SLC38A11: variants seen among roughly 807,000 people sequenced by gnomAD.
SLC38A11 encodes the protein solute carrier family 38 member 11.
In SLC38A11, 51 loss-of-function variants were observed where a neutral mutation model predicts 49.4. That is an observed-to-expected ratio of 1.03 (90% confidence interval 0.83 to 1.30). SLC38A11 has a LOEUF of 1.30. Ranked by LOEUF, SLC38A11 falls within the 50% of genes most tolerant of loss-of-function variation. SLC38A11 has a pLI of 0.00. For missense variants in SLC38A11, 574 were observed against 556.2 expected (o/e 1.03, Z -0.32); for synonymous variants, 203 against 192.9 (o/e 1.05, Z -0.43).
rs1174092428 is a variant in SLC38A11 at position 164,949,033 on chromosome 2, T to C, written c.230-3306A>G. Among the ~76,000 whole-genome samples the C allele has an allele frequency of 4.0e-5, 6 of 151,674 alleles. 1 individual carries two copies. Among genetic ancestry groups the C allele is most frequent in the South Asian group, 2.1e-4 (1 of 4,820 alleles). On this transcript the variant is annotated intron_variant, in intron 3 of 11. Transcript: ENST00000685975. The stretch of plus-strand genomic sequence containing the variant: ...TGGTATTTTTTATAAAGTGGTATAA[T>C]TATTTTTTTTTTCTGCTTGACACAC...
intron 7 of SLC38A11, among the ~76,000 whole-genome samples, chr2:164,930,540 C>CA (rs1328803821): frequency 6.6e-6 from 1 of 152,076 alleles, no homozygotes; most frequent in Non-Finnish European, 1.5e-5. Context: ...AGTAGCACAT[C>CA]AAAATGCTTA....
At chr2:164,901,359 T>A (rs1398581039) in intron 11 of SLC38A11, among the ~76,000 whole-genome samples, 1 of 152,192 alleles carries the variant, frequency 6.6e-6, no homozygotes, top group Non-Finnish European at 1.5e-5. Flanking sequence ...ATGGCCATTT[T>A]AACAATATTA....
intron 11 of SLC38A11, among the ~76,000 whole-genome samples, chr2:164,904,722 A>C (rs1684879541): frequency 6.6e-6 from 1 of 152,196 alleles, no homozygotes; most frequent in South Asian, 2.1e-4. Flanking sequence ...ATTTTATTTC[A>C]TCTCCTGGTA....
intron 3 of SLC38A11, among the ~76,000 whole-genome samples, chr2:164,948,138 C>T (rs1361807878): frequency 6.6e-6 from 1 of 152,120 alleles, no homozygotes; most frequent in Non-Finnish European, 1.5e-5. Flanking sequence ...TAAAGTAAGG[C>T]AATATGGCAC....
chr2:164,904,845 T>C (rs1684887975), intron 11 of SLC38A11, among the ~76,000 whole-genome samples: 1 of 152,164 alleles, frequency 6.6e-6, no homozygotes, highest in South Asian at 2.1e-4. Flanking sequence ...GATAGAGAAA[T>C]GAGCATAATT....
intron 3 of SLC38A11, among the ~76,000 whole-genome samples, chr2:164,947,962 C>A (rs1239029814): frequency 6.6e-6 from 1 of 152,164 alleles, no homozygotes; most frequent in Non-Finnish European, 1.5e-5. Context: ...TCCTTCCTAC[C>A]AAGACATTCT....
chr2:164,945,733 G>A lies in SLC38A11; in HGVS notation c.230-6C>T, dbSNP rs774136079. 6.3e-7 allele frequency: 1 copy of A among 1,599,876 alleles called. No individual in the cohort carries two copies. The highest frequency in any genetic ancestry group is 1.8e-5 in the Admixed American group (1 of 55,614). ...CAATAAAACAAGGGAAAAGTCTGTG[G>A]CAAGAACATCAATTAAATGTCAGAT... is the stretch of plus-strand genomic sequence containing the variant. On this transcript the variant is annotated splice_region_variant and splice_polypyrimidine_tract_variant and intron_variant, in intron 3 of 11. Transcript: ENST00000685975.
chr2:164,930,866 C>T (rs1394415324), intron 7 of SLC38A11, among the ~76,000 whole-genome samples: 1 of 152,018 alleles, frequency 6.6e-6, no homozygotes, highest in Non-Finnish European at 1.5e-5. Context: ...TGCCCTGGCT[C>T]ACCACTCATA....
chr2:164,922,719 A>C (rs1056131049), intron 7 of SLC38A11, among the ~76,000 whole-genome samples: 4 of 152,228 alleles, frequency 2.6e-5, no homozygotes, highest in African/African-American at 9.6e-5. Context: ...AATTTAGAAA[A>C]AAACTATTAT....
chr2:164,934,793 A>T (rs929724763), intron 7 of SLC38A11, among the ~76,000 whole-genome samples: 10 of 152,140 alleles, frequency 6.6e-5, no homozygotes, highest in Non-Finnish European at 1.5e-5. Flanking sequence ...ATTATCATTT[A>T]TGGTATTCTG....
At chr2:164,945,487 C>A (rs1212558248) in intron 4 of SLC38A11, 106 bp downstream of exon 4, 2 of 1,020,216 alleles carry the variant, frequency 2.0e-6, no homozygotes, top group Non-Finnish European at 2.6e-6. Context: ...GGAAAGATTT[C>A]AACTGCTATA....
At chr2:164,915,373 C>A in intron 8 of SLC38A11, 100 bp from the exon 9 acceptor site, 3 of 1,045,726 alleles carry the variant, frequency 2.9e-6, no homozygotes, top group African/African-American at 1.6e-5. Flanking sequence ...TGCCAATGAA[C>A]TGAAGTTTAA....
intron 7 of SLC38A11, chr2:164,922,111 A>C (rs1235319571): frequency 2.6e-5 from 4 of 152,216 alleles, no homozygotes; most frequent in African/African-American, 9.6e-5. Context: ...GAAGAAAGCA[A>C]GTCCCATCAA....
intron 7 of SLC38A11, among the ~76,000 whole-genome samples, chr2:164,933,644 C>T (rs1687162573): frequency 6.6e-6 from 1 of 151,950 alleles, no homozygotes; most frequent in Admixed American, 6.6e-5. Context: ...CTTTAAAAGA[C>T]CTATGAAAAA....
chr2:164,904,555 T>C (rs1308267310), intron 11 of SLC38A11, among the ~76,000 whole-genome samples: 2 of 152,190 alleles, frequency 1.3e-5, no homozygotes, highest in Non-Finnish European at 2.9e-5. Flanking sequence ...GTGAAGCTCA[T>C]TATTCTACTT....
chr2:164,939,994 GTT>G (rs10707733), intron 5 of SLC38A11, among the ~76,000 whole-genome samples: 1,640 of 137,244 alleles, frequency 0.012, 26 homozygotes, highest in African/African-American at 0.037. Flanking sequence ...ATTTTCTAAG[GTT>G]TTTTTTTTTT....
In SLC38A11 at chr2:164,915,946, A is replaced by T; in HGVS notation, c.645T>A (p.Phe215Leu). 1 of 1,600,086 alleles carries T rather than the reference A, an allele frequency of 6.2e-7. No homozygotes were observed. Among genetic ancestry groups the T allele is most frequent in the South Asian group, 1.1e-5 (1 of 89,344 alleles). ...HIPKTEDAWV[F>L]AKPNAIQAVG... ...CCGCTTGAATGGCATTGGGCTTTGC[A>T]AATACCCAAGCGTCTTCTGTTTTTG... Residue 215 changes from phenylalanine to leucine, a missense_variant, in exon 8 of 12, where the codon TTT becomes TTA. Transcript: ENST00000685975.
intron 8 of SLC38A11, 40 bp from the exon 9 acceptor site, chr2:164,915,313 C>A (rs765658265): frequency 6.5e-7 from 1 of 1,542,136 alleles, no homozygotes; most frequent in African/African-American, 1.4e-5. Flanking sequence ...AATCAAGCAC[C>A]AGGGTTTTCT....
rs1011579541 is a variant in SLC38A11, at chr2:164,896,112, A to G, written c.*2325T>C. The G allele has an allele frequency of 3.9e-5, 6 of 152,150 alleles. No homozygotes were observed. Among genetic ancestry groups the G allele is most frequent in the Admixed American group, 1.3e-4 (2 of 15,254 alleles). 9.4% of individuals were successfully genotyped at this position (152,150 alleles called of 1,614,324 possible). The stretch of plus-strand genomic sequence containing the variant: ...CTCTTATTGAACTGAGGCAGAAAAT[A>G]GATTGAGGGGTGGGGTTCTTGCAGT... On this transcript the variant is annotated 3_prime_UTR_variant, in exon 12 of 12. Coordinates refer to ENST00000685975, the MANE Select transcript of SLC38A11 (RefSeq NM_001351537.2).
Sources: gnomAD v4.1 joint callset for allele counts (sites outside exome capture counted in the v4.1 genomes callset) on GRCh38, gnomAD v4.1.1 for gene constraint, MANE v1.5 for transcripts, NCBI Gene and HGNC (gene_info 2026-07-23, HGNC 2026-07-21) for gene names.